Variants in PCGF5 observed in about 807,000 individuals in gnomAD.
The protein encoded by PCGF5 is polycomb group ring finger 5.
A neutral mutation model predicts 44.3 loss-of-function variants in PCGF5; 9 were observed. The ratio of observed to expected loss-of-function variants is 0.20; its 90% confidence interval spans 0.12 to 0.35. PCGF5 has a LOEUF of 0.35. PCGF5 is among the 10% of genes least tolerant of loss of function. PCGF5 has a pLI of 1.00. For synonymous variants in PCGF5, 95 were observed against 102.5 expected (o/e 0.93, Z 0.44); for missense variants, 146 against 305.3 (o/e 0.48, Z 3.89).
chr10:91,223,666 AT>A (rs773481583), intron 2 of PCGF5, among the ~76,000 whole-genome samples: 16 of 152,178 alleles, frequency 1.1e-4, no homozygotes, highest in Non-Finnish European at 2.1e-4. Context: ...TGCCAGCATG[AT>A]TTCATTTTTT....
Position 91,246,965 on chromosome 10 carries a change from G to GGATA in PCGF5, c.210-1487_210-1484dup, listed in dbSNP as rs67397753. ...CAGGCAGATAGATAGATGGATAGAT[G>GGATA]GATAGATAGATAGATAGATAGATAG... On this transcript the variant is annotated intron_variant, in intron 3 of 9. Coordinates refer to ENST00000336126, the MANE Select transcript of PCGF5 (RefSeq NM_032373.5). 4.5e-3 allele frequency among the ~76,000 whole-genome samples: 657 copies of GGATA among 144,840 alleles called. 2 individuals carry two copies. The highest frequency in any genetic ancestry group is 6.9e-3 in the Middle Eastern group (2 of 288).
At chr10:91,217,447 G>T (rs1389789601), upstream of PCGF5, among the ~76,000 whole-genome samples, 1 of 152,156 alleles carries the variant, frequency 6.6e-6, no homozygotes, top group Admixed American at 6.6e-5. Flanking sequence ...GGCAGGAAAG[G>T]AATGTGAACT....
intron 1 of PCGF5, among the ~76,000 whole-genome samples, chr10:91,172,579 A>G (rs987682775): frequency 2.6e-5 from 4 of 152,264 alleles, no homozygotes; most frequent in African/African-American, 9.6e-5. Flanking sequence ...ATGGTGTCAT[A>G]TAAGAAGCCA....
intron 1 of PCGF5, among the ~76,000 whole-genome samples, chr10:91,184,305 A>T (rs1352175761): frequency 6.6e-6 from 1 of 151,984 alleles, no homozygotes; most frequent in African/African-American, 2.4e-5. Context: ...TTATTTCAGA[A>T]ACACAGTCTT....
intron 2 of PCGF5, among the ~76,000 whole-genome samples, chr10:91,223,699 G>C (rs1589377786): frequency 6.6e-6 from 1 of 152,260 alleles, no homozygotes; most frequent in East Asian, 1.9e-4. Flanking sequence ...AGTAATTCCA[G>C]TAAGTTATAG....
rs142481328 is a variant in PCGF5, at chr10:91,240,533, A to C, written c.162A>C (p.Pro54=). ...VQHFEDSNDC[P]RCGNQVHETN... ...ACTTTGAAGATAGCAATGATTGCCC[A>C]AGGTGTGGCAACCAAGTTCATGAGA... Residue 54 remains proline (P), a synonymous_variant, in exon 3 of 10, where the codon CCA becomes CCC. Transcript: ENST00000336126. The C allele has an allele frequency of 3.7e-5, 60 of 1,611,956 alleles. No homozygotes were observed. In the African/African-American group the frequency reaches 7.6e-4, roughly 20 times the overall value.
At chr10:91,275,065 A>T (rs1166197566) in intron 9 of PCGF5, among the ~76,000 whole-genome samples, 3 of 152,224 alleles carry the variant, frequency 2.0e-5, no homozygotes, top group Admixed American at 6.5e-5. Context: ...GTACCTAAAA[A>T]AATTGAATTG....
intron 1 of PCGF5, among the ~76,000 whole-genome samples, chr10:91,200,027 G>A (rs1432251472): frequency 6.6e-6 from 1 of 152,214 alleles, no homozygotes; most frequent in Non-Finnish European, 1.5e-5. Flanking sequence ...CACGCTTCAG[G>A]CTATCCTACC....
intron 1 of PCGF5, among the ~76,000 whole-genome samples, chr10:91,194,555 A>T (rs898266027): frequency 1.3e-5 from 2 of 152,222 alleles, no homozygotes; most frequent in Admixed American, 1.3e-4. Flanking sequence ...CTGCAGAGCT[A>T]TAAGATAATA....
Position 91,279,701 on chromosome 10 carries a change from A to C in PCGF5, c.*1385A>C, listed in dbSNP as rs1846404032. ...ACAAGCTAACCTTTGAAACTTAGGA[A>C]AAAATCTTGAAAGTTAGGAAAAATA... On this transcript the variant is annotated 3_prime_UTR_variant, in exon 10 of 10. Coordinates refer to ENST00000336126, the MANE Select transcript of PCGF5 (RefSeq NM_032373.5). The C allele has an allele frequency of 6.6e-6, 1 of 152,158 alleles. No individual in the cohort carries two copies. The highest frequency in any genetic ancestry group is 2.4e-5 in the African/African-American group (1 of 41,464). 9.4% of individuals were successfully genotyped at this position (152,158 alleles called of 1,614,324 possible). A position where few individuals can be genotyped will look rare whatever the true frequency, so the allele number is the denominator to read the frequency against.
intron 1 of PCGF5, among the ~76,000 whole-genome samples, chr10:91,200,900 A>G (rs1844239557): frequency 6.6e-6 from 1 of 152,118 alleles, no homozygotes; most frequent in South Asian, 2.1e-4. Context: ...GGTTGATAAC[A>G]TTAGCTGTGT....
At chr10:91,203,272 A>G (rs1844285762) in intron 1 of PCGF5, among the ~76,000 whole-genome samples, 1 of 152,326 alleles carries the variant, frequency 6.6e-6, no homozygotes, top group East Asian at 1.9e-4. Flanking sequence ...GGATGATTGC[A>G]TGTCTTTTTA....
intron 1 of PCGF5, among the ~76,000 whole-genome samples, chr10:91,221,737 A>C (rs1200249841): frequency 6.7e-6 from 1 of 149,756 alleles, no homozygotes; most frequent in African/African-American, 2.5e-5. Context: ...AAAAAAAAAA[A>C]ACCTGAGACA....
intron 1 of PCGF5, among the ~76,000 whole-genome samples, chr10:91,177,043 A>G (rs1321040253): frequency 2.0e-5 from 3 of 151,936 alleles, no homozygotes; most frequent in Non-Finnish European, 4.4e-5. Flanking sequence ...GGTTTTATCT[A>G]CCTTTGGTCT....
intron 1 of PCGF5, among the ~76,000 whole-genome samples, chr10:91,167,477 G>C (rs1241896322): frequency 6.6e-6 from 1 of 152,204 alleles, no homozygotes; most frequent in Admixed American, 6.5e-5. Context: ...TTTGAGCAAG[G>C]CTTAAAAAAT....
chr10:91,187,359 T>C (rs7100396), intron 1 of PCGF5, among the ~76,000 whole-genome samples: 32,811 of 151,936 alleles, frequency 0.22, 3,898 homozygotes, highest in East Asian at 0.49. Flanking sequence ...GATTTTGTAG[T>C]GATCTGGCAG....
chr10:91,219,158 C>T (rs1018980373), upstream of PCGF5, among the ~76,000 whole-genome samples: 1 of 152,132 alleles, frequency 6.6e-6, no homozygotes, highest in African/African-American at 2.4e-5. Context: ...ATTCTGGCAA[C>T]CCCACCTCCA....
rs765719586 is a variant in PCGF5, at chr10:91,248,485, C to T, written c.210-20C>T. ...TTGGTGTCTTCATTGTTAGTATTTT[C>T]TTTCTCCCCCCTTTCGAAGGTTGGA... On this transcript the variant is annotated intron_variant, in intron 3 of 9. Coordinates refer to ENST00000336126, the MANE Select transcript of PCGF5 (RefSeq NM_032373.5). The T allele has an allele frequency of 2.7e-5, 43 of 1,600,342 alleles. No individual in the cohort carries two copies. Among genetic ancestry groups the T allele is most frequent in the Middle Eastern group, 3.3e-4 (2 of 6,020 alleles).
At chr10:91,246,963 A>T (rs1845478233) in intron 3 of PCGF5, among the ~76,000 whole-genome samples, 1 of 124,154 alleles carries the variant, frequency 8.1e-6, no homozygotes, top group Non-Finnish European at 1.7e-5. Context: ...AGATGGATAG[A>T]TGGATAGATA....
Sources: gnomAD v4.1 joint callset for allele counts (sites outside exome capture counted in the v4.1 genomes callset) on GRCh38, gnomAD v4.1.1 for gene constraint, MANE v1.5 for transcripts, NCBI Gene and HGNC (gene_info 2026-07-23, HGNC 2026-07-21) for gene names.